Variants in ARHGAP22 observed in about 807,000 individuals in gnomAD.
The protein encoded by ARHGAP22 is rho GTPase-activating protein 22.
Under a neutral mutation model 59.1 loss-of-function variants are expected in ARHGAP22, and 48 were observed. The observed-to-expected ratio is 0.81, with a 90% confidence interval of 0.64 to 1.03. The LOEUF is 1.03. Ranked by LOEUF, ARHGAP22 falls within the 50% of genes least tolerant of loss-of-function variation. The pLI is 0.00. For synonymous variants in ARHGAP22, 445 were observed against 416.4 expected (o/e 1.07, Z -0.84); for missense variants, 1,015 against 958.7 (o/e 1.06, Z -0.78).
At chr10:48,548,996 C>G (rs1171562393) in intron 3 of ARHGAP22, among the ~76,000 whole-genome samples, 3 of 152,192 alleles carry the variant, frequency 2.0e-5, no homozygotes, top group Non-Finnish European at 4.4e-5. Context: ...TGTCAGAGTC[C>G]CAGGGGCCTT....
At chr10:48,614,052 CCA>C (rs2060991594) in intron 1 of ARHGAP22, among the ~76,000 whole-genome samples, 1 of 152,112 alleles carries the variant, frequency 6.6e-6, no homozygotes, top group Admixed American at 6.5e-5. Flanking sequence ...CTTGGGCTTC[CCA>C]TCCTCCAGAA....
chr10:48,438,979 C>A, the ARHGAP22 span: 1 of 152,154 alleles, frequency 6.6e-6, no homozygotes, highest in Admixed American at 6.5e-5. Flanking sequence ...AGCTGTTAAT[C>A]TTTTAGCTGA....
chr10:48,594,697 C>A (rs1296271672), intron 1 of ARHGAP22, among the ~76,000 whole-genome samples: 4 of 152,262 alleles, frequency 2.6e-5, no homozygotes, highest in East Asian at 1.9e-4. Context: ...ACTGGGAGTG[C>A]CTAGGAGTTT....
chr10:48,588,860 G>A (rs1460738220), intron 1 of ARHGAP22, among the ~76,000 whole-genome samples: 1 of 152,126 alleles, frequency 6.6e-6, no homozygotes. Flanking sequence ...CTGAGGTGCC[G>A]ACCTTTCTGC....
chr10:48,438,256 C>T, the ARHGAP22 span: 1 of 152,214 alleles, frequency 6.6e-6, no homozygotes, highest in Non-Finnish European at 1.5e-5. Flanking sequence ...TTAAATGTTG[C>T]CTCTCCGTAT....
chr10:48,654,788 TTCTTTC>T (rs2062699875), upstream of ARHGAP22, among the ~76,000 whole-genome samples: 1 of 93,734 alleles, frequency 1.1e-5, no homozygotes, highest in East Asian at 2.8e-4. Context: ...CTTTCTTTCT[TTCTTTC>T]TTTCTTTCTT....
At chr10:48,588,928 G>C (rs75876360) in intron 1 of ARHGAP22, among the ~76,000 whole-genome samples, 10,412 of 152,222 alleles carry the variant, frequency 0.068, 380 homozygotes, top group Middle Eastern at 0.11. Context: ...GCCAGGCCTC[G>C]AAGGATACTA....
intron 3 of ARHGAP22, among the ~76,000 whole-genome samples, chr10:48,500,340 A>G (rs2051377604): frequency 6.6e-6 from 1 of 152,012 alleles, no homozygotes; most frequent in Non-Finnish European, 1.5e-5. Context: ...CTCTATCTCA[A>G]AACAAAACAA....
intron 3 of ARHGAP22, among the ~76,000 whole-genome samples, chr10:48,525,042 T>G (rs900960868): frequency 6.6e-6 from 1 of 152,158 alleles, no homozygotes; most frequent in African/African-American, 2.4e-5. Flanking sequence ...TCATCAAGTC[T>G]TGGAGAGGAT....
chr10:48,550,961 G>C (rs1214589253), intron 3 of ARHGAP22, among the ~76,000 whole-genome samples: 1 of 152,134 alleles, frequency 6.6e-6, no homozygotes, highest in Non-Finnish European at 1.5e-5. Context: ...CCTCACATCT[G>C]GTTCAAAGCT....
chr10:48,530,839 A>T (rs1467556381), intron 3 of ARHGAP22, among the ~76,000 whole-genome samples: 1 of 151,714 alleles, frequency 6.6e-6, no homozygotes, highest in East Asian at 1.9e-4. Flanking sequence ...AACTAATACA[A>T]AACCACTATG....
chr10:48,520,074 T>G (rs1249984530), intron 3 of ARHGAP22, among the ~76,000 whole-genome samples: 2 of 151,876 alleles, frequency 1.3e-5, no homozygotes, highest in Non-Finnish European at 1.5e-5. Flanking sequence ...CCATTGGTTG[T>G]GAGAAATGAA....
At chr10:48,441,720 G>A (rs2045207408), downstream of ARHGAP22, among the ~76,000 whole-genome samples, 1 of 152,176 alleles carries the variant, frequency 6.6e-6, no homozygotes, top group Non-Finnish European at 1.5e-5. Context: ...CCAAAGTGCT[G>A]GGATTACAGG....
the ARHGAP22 span, chr10:48,430,919 G>A: frequency 2.7e-5 from 12 of 442,604 alleles, no homozygotes; most frequent in South Asian, 2.7e-4. Flanking sequence ...GAGTGAAAAA[G>A]AAAGCTTCTA....
chr10:48,537,550 T>C lies in ARHGAP22; in HGVS notation c.322+17913A>G, dbSNP rs549028140. Among the ~76,000 whole-genome samples the C allele has an allele frequency of 2.0e-4, 30 of 152,224 alleles. 1 individual carries two copies. The highest frequency in any genetic ancestry group is 4.1e-4 in the Non-Finnish European group (28 of 68,044). The stretch of plus-strand genomic sequence containing the variant: ...GGGAGGTTCTCATGTTTATTGAGCA[T>C]CTGCTGTGTGCCAGGCACTGCTGTA... On this transcript the variant is annotated intron_variant, in intron 3 of 9. Coordinates refer to ENST00000249601, the MANE Select transcript of ARHGAP22 (RefSeq NM_021226.4).
intron 3 of ARHGAP22, among the ~76,000 whole-genome samples, chr10:48,550,013 A>G (rs2056775318): frequency 6.6e-6 from 1 of 152,198 alleles, no homozygotes; most frequent in Admixed American, 6.5e-5. Flanking sequence ...TCCTTACATT[A>G]AATTCAGTTA....
intron 3 of ARHGAP22, chr10:48,524,095 A>G (rs2054092347): frequency 2.8e-6 from 4 of 1,424,074 alleles, no homozygotes; most frequent in Non-Finnish European, 3.7e-6. Context: ...TTGCAGCAGC[A>G]CAGCCCCATG....
At chr10:48,607,581 G>A (rs1475383015), upstream of ARHGAP22, among the ~76,000 whole-genome samples, 2 of 152,282 alleles carry the variant, frequency 1.3e-5, no homozygotes, top group Admixed American at 6.5e-5. Context: ...TGGGGACAAG[G>A]GCAGGGCAAG....
intron 5 of ARHGAP22, among the ~76,000 whole-genome samples, chr10:48,455,723 G>C (rs932747329): frequency 6.6e-6 from 1 of 152,236 alleles, no homozygotes; most frequent in African/African-American, 2.4e-5. Context: ...CCCCCAGCCC[G>C]AGCTTGCCCT....
Sources: allele counts gnomAD v4.1 joint callset (sites outside exome capture counted in the v4.1 genomes callset), GRCh38; gene constraint gnomAD v4.1.1; transcripts MANE v1.5; gene names NCBI Gene and HGNC (gene_info 2026-07-23, HGNC 2026-07-21).